EBF2: variants seen among roughly 807,000 people sequenced by gnomAD.
The protein encoded by EBF2 is EBF transcription factor 2.
EBF2 carries 21 observed loss-of-function variants against 72.8 expected under a neutral mutation model. That is an observed-to-expected ratio of 0.29 (90% CI 0.20 to 0.42). EBF2 has a LOEUF of 0.42. EBF2 is among the 10% of genes least tolerant of loss of function. The probability of loss-of-function intolerance (pLI) is 1.00; values close to 1 mark genes in which losing one functional copy is unlikely to be tolerated. For synonymous variants in EBF2, 299 were observed against 274.2 expected (o/e 1.09, Z -0.89); for missense variants, 637 against 731.2 (o/e 0.87, Z 1.49).
chr8:25,859,992 C>T lies in EBF2; in HGVS notation c.1342+1057G>A, dbSNP rs148192963. 3.0e-3 allele frequency among the ~76,000 whole-genome samples: 455 copies of T among 152,104 alleles called. 3 individuals are homozygous for T. The highest frequency in any genetic ancestry group is 0.011 in the African/African-American group (439 of 41,486). On this transcript the variant is annotated intron_variant, in intron 13 of 15. Coordinates refer to ENST00000520164, the MANE Select transcript of EBF2 (RefSeq NM_022659.4). The stretch of plus-strand genomic sequence containing the variant: ...TCAGCCTCCTGAAGTGCTGGGATTA[C>T]AAGCGTGAGCCACCACACCCGGCTC...
intron 6 of EBF2, chr8:26,031,724 C>G (rs748067133): frequency 6.6e-6 from 1 of 152,056 alleles, no homozygotes; most frequent in Non-Finnish European, 1.5e-5. Flanking sequence ...GCGTGAGTTA[C>G]GGCACCCAGC....
At chr8:25,922,910 T>C (rs1803327672) in intron 6 of EBF2, among the ~76,000 whole-genome samples, 1 of 151,094 alleles carries the variant, frequency 6.6e-6, no homozygotes, top group South Asian at 2.1e-4. Flanking sequence ...GTTGGGTTTG[T>C]GGTTTCTCCC....
In EBF2 at chr8:26,041,018, GCGTT is replaced by G; in HGVS notation, c.289-20_289-17del. On this transcript the variant is annotated splice_polypyrimidine_tract_variant and intron_variant, in intron 2 of 15. Transcript: ENST00000520164. ...TGCCTTGTTCCTGAAAAGACAGGCA[GCGTT>G]CGATTCCCTTGCCTTTCAGCCCCCC... 1 of 1,613,906 alleles carries G rather than the reference GCGTT, an allele frequency of 6.2e-7. No homozygotes were observed. Among genetic ancestry groups the G allele is most frequent in the South Asian group, 1.1e-5 (1 of 90,954 alleles).
rs59529004 is a variant in EBF2 at position 25,887,135 on chromosome 8, CTG to C, written c.883-256_883-255del. 6.5e-3 allele frequency among the ~76,000 whole-genome samples: 953 copies of C among 145,648 alleles called. 9 individuals are homozygous for C. The highest frequency in any genetic ancestry group is 0.018 in the South Asian group (80 of 4,514). On this transcript the variant is annotated intron_variant, in intron 9 of 15. Coordinates refer to ENST00000520164, the MANE Select transcript of EBF2 (RefSeq NM_022659.4). ...TGTCTCTGTCTCTCTCTCTCTCTCT[CTG>C]TCTGTCTCTCTCTCTCTGACCCCCA...
intron 6 of EBF2, among the ~76,000 whole-genome samples, chr8:26,010,530 G>C (rs775124706): frequency 1.3e-5 from 2 of 152,148 alleles, no homozygotes; most frequent in Non-Finnish European, 2.9e-5. Context: ...CTAATCAAGC[G>C]GTCACCCGTT....
At chr8:25,845,347 C>G (rs184273160) in intron 15 of EBF2, among the ~76,000 whole-genome samples, 2 of 152,214 alleles carry the variant, frequency 1.3e-5, no homozygotes, top group Non-Finnish European at 1.5e-5. Context: ...CCTGCCTCAG[C>G]CTCTGCCTCC....
chr8:25,935,964 G>A (rs1803572278), intron 6 of EBF2, among the ~76,000 whole-genome samples: 2 of 152,198 alleles, frequency 1.3e-5, no homozygotes, highest in Non-Finnish European at 2.9e-5. Context: ...AAGTCCGCTC[G>A]GCTGTGGAAG....
At chr8:25,952,354 T>C (rs1249091175) in intron 6 of EBF2, among the ~76,000 whole-genome samples, 1 of 152,182 alleles carries the variant, frequency 6.6e-6, no homozygotes, top group African/African-American at 2.4e-5. Flanking sequence ...TGTTGGCCTA[T>C]TGTAATTATT....
At chr8:25,848,321 C>T (rs1056651965) in intron 15 of EBF2, among the ~76,000 whole-genome samples, 2 of 152,208 alleles carry the variant, frequency 1.3e-5, no homozygotes, top group Non-Finnish European at 2.9e-5. Context: ...ATAAACCTAT[C>T]AGGAATGTGC....
chr8:25,977,398 T>C (rs1353726830), intron 6 of EBF2, among the ~76,000 whole-genome samples: 3 of 152,002 alleles, frequency 2.0e-5, no homozygotes, highest in Non-Finnish European at 4.4e-5. Flanking sequence ...GTAGGGCCTG[T>C]GATTTTGCAC....
At chr8:25,924,340 C>T (rs939309045) in intron 6 of EBF2, among the ~76,000 whole-genome samples, 2 of 152,202 alleles carry the variant, frequency 1.3e-5, no homozygotes, top group African/African-American at 4.8e-5. Context: ...CCATGACACA[C>T]TTAGCAATTG....
chr8:25,846,390 T>G (rs574472068), intron 15 of EBF2, among the ~76,000 whole-genome samples: 1 of 152,244 alleles, frequency 6.6e-6, no homozygotes, highest in East Asian at 1.9e-4. Flanking sequence ...AGTGGAATTC[T>G]GACTCACAAA....
intron 6 of EBF2, among the ~76,000 whole-genome samples, chr8:26,023,746 C>A (rs1051197464): frequency 2.6e-5 from 4 of 152,050 alleles, no homozygotes; most frequent in African/African-American, 9.7e-5. Context: ...TGGGGACAAG[C>A]GGCAACATCA....
intron 6 of EBF2, among the ~76,000 whole-genome samples, chr8:25,921,823 G>A (rs1803308997): frequency 6.6e-6 from 1 of 152,048 alleles, no homozygotes; most frequent in Admixed American, 6.6e-5. Flanking sequence ...CTCCTCAAAC[G>A]AAACGTCTCA....
intron 6 of EBF2, among the ~76,000 whole-genome samples, chr8:26,025,567 A>C (rs1805290693): frequency 6.6e-6 from 1 of 152,142 alleles, no homozygotes; most frequent in Admixed American, 6.6e-5. Flanking sequence ...TACATGAGTG[A>C]ACTTTCCAGC....
intron 10 of EBF2, among the ~76,000 whole-genome samples, chr8:25,876,236 G>A (rs989108499): frequency 6.6e-6 from 1 of 152,050 alleles, no homozygotes; most frequent in Non-Finnish European, 1.5e-5. Flanking sequence ...CACAGGGAGG[G>A]GAACAACACA....
chr8:25,895,991 G>A (rs1802858727), intron 7 of EBF2, among the ~76,000 whole-genome samples: 1 of 151,874 alleles, frequency 6.6e-6, no homozygotes, highest in Non-Finnish European at 1.5e-5. Context: ...CTAACTGTAT[G>A]ATTTAGTTGA....
intron 10 of EBF2, among the ~76,000 whole-genome samples, chr8:25,872,198 C>T (rs1417834399): frequency 1.3e-5 from 2 of 152,194 alleles, no homozygotes; most frequent in African/African-American, 2.4e-5. Context: ...AGCCTTGACA[C>T]TGCAGGCTGG....
At chr8:25,919,390 G>A (rs1389142205) in intron 6 of EBF2, among the ~76,000 whole-genome samples, 3 of 152,114 alleles carry the variant, frequency 2.0e-5, no homozygotes, top group Non-Finnish European at 4.4e-5. Context: ...AAAGAGAGGA[G>A]AAATATAATT....
Sources: allele counts gnomAD v4.1 joint callset (sites outside exome capture counted in the v4.1 genomes callset), GRCh38; gene constraint gnomAD v4.1.1; transcripts MANE v1.5; gene names NCBI Gene and HGNC (gene_info 2026-07-23, HGNC 2026-07-21).